The following HFM1 variants were observed in gnomAD, a reference collection of about 807,000 sequenced individuals.
HFM1 encodes the protein helicase for meiosis 1.
A neutral mutation model predicts 192.1 loss-of-function variants in HFM1; 169 were observed. The observed-to-expected ratio is 0.88, with a 90% CI of 0.78 to 1.00. HFM1 has a LOEUF of 1.00. Ranked by LOEUF, HFM1 falls within the 50% of genes least tolerant of loss-of-function variation. The pLI, the probability that HFM1 is intolerant of heterozygous loss-of-function variation, is 0.00. For missense variants in HFM1, 1,661 were observed against 1,668.0 expected (o/e 1.00, Z 0.07); for synonymous variants, 525 against 537.8 (o/e 0.98, Z 0.33).
At chr1:91,285,948 C>T (rs753103545) in intron 30 of HFM1, among the ~76,000 whole-genome samples, 1 of 152,124 alleles carries the variant, frequency 6.6e-6, no homozygotes, top group Non-Finnish European at 1.5e-5. Flanking sequence ...AATCGACGGT[C>T]ATGGTATCAC....
intron 13 of HFM1, among the ~76,000 whole-genome samples, chr1:91,373,941 T>C (rs1373443613): frequency 3.3e-5 from 5 of 151,970 alleles, no homozygotes; most frequent in African/African-American, 9.7e-5. Flanking sequence ...ATCTAATTAA[T>C]AGAAAAGATA....
At chr1:91,292,709 G>A (rs1470471419) in intron 30 of HFM1, among the ~76,000 whole-genome samples, 6 of 151,948 alleles carry the variant, frequency 3.9e-5, no homozygotes, top group Non-Finnish European at 8.8e-5. Flanking sequence ...CTACTTTAAA[G>A]TTCATATGGA....
At chr1:91,334,485 A>G (rs1014850242) in intron 20 of HFM1, among the ~76,000 whole-genome samples, 2 of 152,228 alleles carry the variant, frequency 1.3e-5, no homozygotes, top group African/African-American at 4.8e-5. Flanking sequence ...TTTATAAAAT[A>G]ACAGGTGACC....
At chr1:91,371,104 A>T (rs947865442) in intron 13 of HFM1, among the ~76,000 whole-genome samples, 2 of 152,008 alleles carry the variant, frequency 1.3e-5, no homozygotes, top group Non-Finnish European at 2.9e-5. Context: ...ATACAAACAA[A>T]TGGAAGAACA....
chr1:91,297,737 G>A (rs1169378131), intron 30 of HFM1, among the ~76,000 whole-genome samples: 1 of 152,202 alleles, frequency 6.6e-6, no homozygotes, highest in Non-Finnish European at 1.5e-5. Flanking sequence ...GGTCCTGACT[G>A]TTAGAAGGAA....
chr1:91,271,119 G>A (rs375429158), intron 34 of HFM1, among the ~76,000 whole-genome samples: 31 of 152,094 alleles, frequency 2.0e-4, no homozygotes, highest in African/African-American at 6.5e-4. Context: ...GGTATACAAC[G>A]ACCCAATCGT....
At position 91,316,373 on chromosome 1, in the gene HFM1, A is replaced by G. The variant is rs1380639461; in HGVS notation, c.2898+18T>C. The stretch of plus-strand genomic sequence containing the variant: ...CCTCAGAATTTAGATGGAATTAGGA[A>G]TAAGTGAATATAACTACCAATTCAA... On this transcript the variant is annotated intron_variant, in intron 26 of 38. Coordinates refer to ENST00000370425, the MANE Select transcript of HFM1 (RefSeq NM_001017975.6). 2.2e-6 allele frequency: 3 copies of G among 1,362,290 alleles called. No homozygotes were observed. The South Asian group carries it at 3.8e-5, about 17-fold the overall frequency. The allele number at this position is 1,362,290 out of a possible 1,614,324, so 84.4% of individuals were successfully genotyped here. A position where few individuals can be genotyped will look rare whatever the true frequency, so the allele number is the denominator to read the frequency against.
chr1:91,348,491 A>C (rs896019289), intron 18 of HFM1, among the ~76,000 whole-genome samples: 1 of 152,250 alleles, frequency 6.6e-6, no homozygotes, highest in Non-Finnish European at 1.5e-5. Flanking sequence ...AGATTCATAC[A>C]TGTAAAAAAT....
intron 30 of HFM1, among the ~76,000 whole-genome samples, chr1:91,296,761 G>A (rs955343235): frequency 3.3e-5 from 5 of 152,192 alleles, no homozygotes; most frequent in African/African-American, 1.2e-4. Flanking sequence ...TTACAAGGTT[G>A]ATATTTTATA....
chr1:91,306,888 A>G (rs923743577), intron 30 of HFM1, among the ~76,000 whole-genome samples: 8 of 152,152 alleles, frequency 5.3e-5, no homozygotes, highest in African/African-American at 1.9e-4. Flanking sequence ...CTCAGATTTT[A>G]TTTTCTTCTG....
At chr1:91,379,892 T>C (rs943697155) in intron 8 of HFM1, among the ~76,000 whole-genome samples, 3 of 152,174 alleles carry the variant, frequency 2.0e-5, no homozygotes, top group Non-Finnish European at 4.4e-5. Context: ...AAAATAAGCA[T>C]GTAAAAGTCA....
upstream of HFM1, among the ~76,000 whole-genome samples, chr1:91,405,968 G>A (rs1664787478): frequency 6.6e-6 from 1 of 152,174 alleles, no homozygotes; most frequent in Non-Finnish European, 1.5e-5. Flanking sequence ...TTGTTATAGT[G>A]AACCCCTCAA....
chr1:91,262,883 A>AGAACC (rs2100660633), intron 36 of HFM1, among the ~76,000 whole-genome samples: 1 of 152,266 alleles, frequency 6.6e-6, no homozygotes, highest in African/African-American at 2.4e-5. Context: ...TCTATTACAT[A>AGAACC]GAACCCTATA....
At chr1:91,364,648 T>TTTTTTTA (rs1659028926) in intron 13 of HFM1, among the ~76,000 whole-genome samples, 1 of 141,034 alleles carries the variant, frequency 7.1e-6, no homozygotes, top group Non-Finnish European at 1.5e-5. Flanking sequence ...TTTTTTTTTT[T>TTTTTTTA]GAGACAGAGT....
chr1:91,297,560 A>G (rs1377130824), intron 30 of HFM1, among the ~76,000 whole-genome samples: 1 of 152,188 alleles, frequency 6.6e-6, no homozygotes, highest in Non-Finnish European at 1.5e-5. Context: ...CAGACTGACA[A>G]CTCACACAGC....
chr1:91,303,277 CT>C (rs1170609282), intron 30 of HFM1, among the ~76,000 whole-genome samples: 2 of 152,164 alleles, frequency 1.3e-5, no homozygotes, highest in Non-Finnish European at 2.9e-5. Flanking sequence ...CATACAATAT[CT>C]GGTCTTCTGT....
At chr1:91,355,252 C>T (rs1181246063) in intron 13 of HFM1, among the ~76,000 whole-genome samples, 3 of 151,942 alleles carry the variant, frequency 2.0e-5, no homozygotes, top group South Asian at 2.1e-4. Context: ...AAGCTTAGCG[C>T]TACAGAAAAA....
chr1:91,348,486 C>T (rs1656447772), intron 18 of HFM1, among the ~76,000 whole-genome samples: 2 of 152,050 alleles, frequency 1.3e-5, no homozygotes, highest in African/African-American at 4.8e-5. Flanking sequence ...CGGATAGATT[C>T]ATACATGTAA....
intron 18 of HFM1, among the ~76,000 whole-genome samples, chr1:91,349,303 C>A (rs1042402322): frequency 6.7e-6 from 1 of 150,204 alleles, no homozygotes; most frequent in Non-Finnish European, 1.5e-5. Flanking sequence ...AAAAAAATGC[C>A]CAGAAATTCT....
Sources: allele counts gnomAD v4.1 joint callset (sites outside exome capture counted in the v4.1 genomes callset), GRCh38; gene constraint gnomAD v4.1.1; transcripts MANE v1.5; gene names NCBI Gene and HGNC (gene_info 2026-07-23, HGNC 2026-07-21).